Variants in ASMTL observed in about 807,000 individuals in gnomAD.
The protein encoded by ASMTL is probable bifunctional dTTP/UTP pyrophosphatase/methyltransferase protein.
Under a neutral mutation model 60.3 loss-of-function variants are expected in ASMTL, and 57 were observed. The ratio of observed to expected loss-of-function variants is 0.95; its 90% CI spans 0.76 to 1.18. ASMTL has a LOEUF of 1.18. Ranked by LOEUF, ASMTL falls within the 50% of genes most tolerant of loss-of-function variation. The pLI, the probability that ASMTL is intolerant of heterozygous loss-of-function variation, is 0.00. For missense variants in ASMTL, 981 were observed against 852.6 expected (o/e 1.15, Z -1.88); for synonymous variants, 419 against 373.0 (o/e 1.12, Z -1.42).
chrX:1,432,659 C>G (rs1395338961), intron 5 of ASMTL, among the ~76,000 whole-genome samples: 1 of 151,786 alleles, frequency 6.6e-6, no homozygotes, highest in African/African-American at 2.4e-5. Flanking sequence ...GAAACCCCGT[C>G]TCTACTAAAA....
intron 11 of ASMTL, among the ~76,000 whole-genome samples, chrX:1,415,689 C>T (rs1308581043): frequency 2.0e-5 from 3 of 152,134 alleles, no homozygotes; most frequent in Non-Finnish European, 4.4e-5. Context: ...TGGTCTCGAA[C>T]TCCTGACCAC....
chrX:1,444,777 C>T (rs1457224968), intron 1 of ASMTL, among the ~76,000 whole-genome samples: 6 of 152,200 alleles, frequency 3.9e-5, no homozygotes, highest in Admixed American at 6.5e-5. Context: ...ACTCCTGGAT[C>T]GTGAGGGTCT....
At chrX:1,406,944 G>A (rs2089875555) in intron 12 of ASMTL, among the ~76,000 whole-genome samples, 1 of 151,904 alleles carries the variant, frequency 6.6e-6, no homozygotes, top group Admixed American at 6.6e-5. Context: ...GGATGAGATG[G>A]ATGGGTGAAT....
chrX:1,437,895 CAAAA>C (rs111281481), intron 3 of ASMTL, among the ~76,000 whole-genome samples: 1 of 126,312 alleles, frequency 7.9e-6, no homozygotes. Context: ...GACTCCATCT[CAAAA>C]AAAAAAAAAA....
intron 5 of ASMTL, among the ~76,000 whole-genome samples, chrX:1,434,763 C>G (rs1255646454): frequency 6.7e-6 from 1 of 149,570 alleles, no homozygotes; most frequent in Non-Finnish European, 1.5e-5. Flanking sequence ...CCACTGCCCT[C>G]CAGCCTGGGT....
chrX:1,443,144 G>A (rs1411312870), intron 1 of ASMTL, among the ~76,000 whole-genome samples: 5 of 148,038 alleles, frequency 3.4e-5, no homozygotes, highest in Middle Eastern at 3.8e-3. Context: ...GACACACGCC[G>A]CCATCTTGGA....
rs760735731 is a variant in ASMTL at position 1,421,687 on chromosome X, A to G, written c.1216T>C (p.Leu406=). The stretch of plus-strand genomic sequence containing the variant: ...AACAGATCTTCCGCCTTCTTCCCCA[A>G]CGCCCTGTGGTGCTGGTTTGTTCCC... ...REGTNQHHRA[L]GKKAEDLFQD... Residue 406 remains leucine (L), a synonymous_variant, in exon 9 of 13, where the codon TTG becomes CTG. Transcript: ENST00000381317. The G allele has an allele frequency of 5.1e-5, 83 of 1,613,602 alleles. No homozygotes were observed. The highest frequency in any genetic ancestry group is 6.4e-5 in the Non-Finnish European group (75 of 1,179,796).
chrX:1,434,167 G>C (rs1286948865), intron 5 of ASMTL, among the ~76,000 whole-genome samples: 8 of 152,138 alleles, frequency 5.3e-5, no homozygotes, highest in Non-Finnish European at 1.0e-4. Flanking sequence ...GCAATATGGT[G>C]ATACAACTGC....
intron 11 of ASMTL, 186 bp from the exon 12 acceptor site, chrX:1,413,040 A>G (rs2090095979): frequency 9.1e-6 from 6 of 661,230 alleles, no homozygotes; most frequent in Non-Finnish European, 1.3e-5. Flanking sequence ...GGAGCTGGTT[A>G]GTGATGTCAC....
At chrX:1,403,665 G>C (rs2089679368) in intron 12 of ASMTL, 176 bp from the exon 13 acceptor site, 1 of 615,404 alleles carries the variant, frequency 1.6e-6, no homozygotes, top group Non-Finnish European at 2.9e-6. Context: ...ACTTGATGCA[G>C]GGCGGACAGA....
intron 12 of ASMTL, among the ~76,000 whole-genome samples, chrX:1,404,357 AGATG>A (rs1157949656): frequency 3.5e-5 from 5 of 144,390 alleles, no homozygotes; most frequent in African/African-American, 1.3e-4. Flanking sequence ...TGCATGGATG[AGATG>A]GATGGGTGAA....
Position 1,432,352 on chromosome X carries a change from C to T in ASMTL, c.426G>A (p.Ser142=), listed in dbSNP as rs768764068. 18 of 1,613,156 alleles carry T rather than the reference C, an allele frequency of 1.1e-5. No individual in the cohort carries two copies. The Admixed American group carries it at 1.2e-4, about 10-fold the overall frequency. ...SKDHQLDTRV[S]EFYEETKVKF... is the part of the protein sequence containing the mutation. The stretch of plus-strand genomic sequence containing the variant: ...TCACCTTCGTTTCCTCGTAGAATTC[C>T]GAGACCCTGGTGTCCAGCTGATGGT... Residue 142 remains serine, a synonymous_variant, in exon 6 of 13, where the codon TCG becomes TCA. Coordinates refer to ENST00000381317, the MANE Select transcript of ASMTL (RefSeq NM_004192.4).
intron 1 of ASMTL, among the ~76,000 whole-genome samples, chrX:1,452,091 TCC>T (rs1212553734): frequency 1.2e-4 from 13 of 112,034 alleles, no homozygotes; most frequent in Admixed American, 2.6e-4. Context: ...CGGGTTACTC[TCC>T]CCTCCCCCAT....
chrX:1,436,375 CAG>C (rs1331024552), intron 3 of ASMTL, among the ~76,000 whole-genome samples: 2 of 151,574 alleles, frequency 1.3e-5, no homozygotes, highest in African/African-American at 4.9e-5. Context: ...TTTTTTGAGA[CAG>C]AGTCTCGCTC....
Position 1,432,372 on chromosome X carries a change from G to C in ASMTL, c.406C>G (p.Gln136Glu). 1 of 1,612,292 alleles carries C rather than the reference G, an allele frequency of 6.2e-7. No individual in the cohort carries two copies. The highest frequency in any genetic ancestry group is 8.5e-7 in the Non-Finnish European group (1 of 1,179,260). Residue 136 changes from glutamine (Q) to glutamate (E), a missense_variant, in exon 6 of 13, where the codon CAG becomes GAG. Transcript: ENST00000381317. ...AIVHCSSKDH[Q>E]LDTRVSEFYE... is the part of the protein sequence containing the mutation. The stretch of plus-strand genomic sequence containing the variant: ...AATTCCGAGACCCTGGTGTCCAGCT[G>C]ATGGTCTGCAAGGACACAGCCGTGG...
chrX:1,404,801 A>G (rs1467662830), intron 12 of ASMTL, among the ~76,000 whole-genome samples: 2 of 151,196 alleles, frequency 1.3e-5, no homozygotes, highest in Admixed American at 1.3e-4. Context: ...GGATGTATGG[A>G]TGAGATGGAT....
chrX:1,416,997 A>T (rs1455004772), intron 11 of ASMTL, among the ~76,000 whole-genome samples: 4 of 119,536 alleles, frequency 3.3e-5, no homozygotes, highest in African/African-American at 1.1e-4. Flanking sequence ...CCACACAGAG[A>T]TGTGCACACA....
rs756455453 is a variant in ASMTL at position 1,447,054 on chromosome X, G to A, written c.94-4737C>T. 3.2e-4 allele frequency among the ~76,000 whole-genome samples: 48 copies of A among 152,142 alleles called. No homozygotes were observed. In the East Asian group the frequency reaches 8.5e-3, roughly 27 times the overall value. On this transcript the variant is annotated intron_variant, in intron 1 of 12. Coordinates refer to ENST00000381317, the MANE Select transcript of ASMTL (RefSeq NM_004192.4). ...GAAACCCAAGTTCTGCTTTCTTAAA[G>A]CCCTGTGAACTAAAAGCTAGATGTT... is the stretch of plus-strand genomic sequence containing the variant.
chrX:1,446,011 G>A (rs1409745951), intron 1 of ASMTL, among the ~76,000 whole-genome samples: 1 of 152,110 alleles, frequency 6.6e-6, no homozygotes. Context: ...GTTATCCGGA[G>A]GCCTAACCCT....
Sources: allele counts gnomAD v4.1 joint callset (sites outside exome capture counted in the v4.1 genomes callset), GRCh38; gene constraint gnomAD v4.1.1; transcripts MANE v1.5; gene names NCBI Gene and HGNC (gene_info 2026-07-23, HGNC 2026-07-21).